TMOD3: variants seen among roughly 807,000 people sequenced by gnomAD.
TMOD3 encodes the protein tropomodulin-3.
A neutral mutation model predicts 39.2 loss-of-function variants in TMOD3; 20 were observed. The observed-to-expected ratio is 0.51, with a 90% CI of 0.36 to 0.74. The LOEUF (loss-of-function observed/expected upper bound fraction) is 0.74, where lower values mean the gene tolerates loss of function less well. Ranked by LOEUF, TMOD3 falls within the 30% of genes least tolerant of loss-of-function variation. TMOD3 has a pLI of 0.00. For synonymous variants in TMOD3, 143 were observed against 145.8 expected (o/e 0.98, Z 0.14); for missense variants, 381 against 412.8 (o/e 0.92, Z 0.67).
chr15:51,874,522 T>G (rs1372150139), intron 3 of TMOD3, among the ~76,000 whole-genome samples: 2 of 152,224 alleles, frequency 1.3e-5, no homozygotes, highest in African/African-American at 4.8e-5. Flanking sequence ...TGTTCTCGTT[T>G]GGAGAATGGT....
chr15:51,855,889 C>G (rs897270680), intron 1 of TMOD3, among the ~76,000 whole-genome samples: 13 of 152,242 alleles, frequency 8.5e-5, no homozygotes, highest in African/African-American at 2.6e-4. Context: ...ACAAATGTTC[C>G]TCAATAAAGG....
chr15:51,886,295 C>G (rs2056562879), intron 3 of TMOD3, among the ~76,000 whole-genome samples: 1 of 152,210 alleles, frequency 6.6e-6, no homozygotes, highest in African/African-American at 2.4e-5. Flanking sequence ...AATCTGGGCA[C>G]TTTGGGAGGC....
At chr15:51,898,096 C>G (rs895007617) in intron 7 of TMOD3, among the ~76,000 whole-genome samples, 5 of 152,236 alleles carry the variant, frequency 3.3e-5, no homozygotes, top group African/African-American at 4.8e-5. Flanking sequence ...AGCTTCCCAT[C>G]TCATTAAGAG....
intron 9 of TMOD3, among the ~76,000 whole-genome samples, chr15:51,905,613 C>A (rs2056674471): frequency 6.6e-6 from 1 of 152,024 alleles, no homozygotes; most frequent in African/African-American, 2.4e-5. Flanking sequence ...CATTAGAGGC[C>A]ACCGAATACA....
intron 1 of TMOD3, among the ~76,000 whole-genome samples, chr15:51,861,450 A>G (rs1044250700): frequency 6.6e-5 from 10 of 152,136 alleles, no homozygotes; most frequent in Non-Finnish European, 2.9e-5. Context: ...GAACATTTCC[A>G]TTCATGGGAG....
intron 3 of TMOD3, among the ~76,000 whole-genome samples, chr15:51,879,605 G>T (rs1222879873): frequency 1.3e-5 from 2 of 151,698 alleles, no homozygotes; most frequent in Admixed American, 6.6e-5. Flanking sequence ...TCAAGCAGAA[G>T]AAAAAATTAG....
chr15:51,887,102 C>A (rs1322580383), intron 3 of TMOD3, among the ~76,000 whole-genome samples: 1 of 151,700 alleles, frequency 6.6e-6, no homozygotes, highest in African/African-American at 2.4e-5. Context: ...GCCTGTAGTC[C>A]CAGCTACTCA....
rs565205777 is a variant in TMOD3, at chr15:51,915,342, A to C, written c.*6532A>C. ...TGTTTTTTCAAATGTATATACACGT[A>C]TAACATAAAAATTTTTGTAATTTCA... On this transcript the variant is annotated 3_prime_UTR_variant, in exon 10 of 10. Coordinates refer to ENST00000308580, the MANE Select transcript of TMOD3 (RefSeq NM_014547.5). The C allele has an allele frequency of 5.3e-5, 8 of 152,312 alleles. No individual in the cohort carries two copies. Among genetic ancestry groups the C allele is most frequent in the African/African-American group, 1.9e-4 (8 of 41,570 alleles). 9.4% of individuals were successfully genotyped at this position (152,312 alleles called of 1,614,324 possible).
intron 3 of TMOD3, among the ~76,000 whole-genome samples, chr15:51,886,854 G>C (rs1343340462): frequency 6.6e-6 from 1 of 152,196 alleles, no homozygotes; most frequent in Admixed American, 6.5e-5. Context: ...TTTGCAATCA[G>C]AATTTGAATT....
intron 7 of TMOD3, among the ~76,000 whole-genome samples, chr15:51,896,792 T>C (rs2056623101): frequency 6.6e-6 from 1 of 152,186 alleles, no homozygotes; most frequent in African/African-American, 2.4e-5. Context: ...TGCAACTTGA[T>C]TTTTCACTCT....
intron 7 of TMOD3, 84 bp downstream of exon 7, chr15:51,896,610 C>CT (rs759045442): frequency 4.1e-5 from 40 of 970,618 alleles, no homozygotes; most frequent in Admixed American, 6.2e-5. Context: ...AGATTTACCC[C>CT]TTTTTTATAG....
At position 51,869,390 on chromosome 15, in the gene TMOD3, TA is replaced by T; in HGVS notation, c.283+20del. The T allele has an allele frequency of 1.2e-6, 2 of 1,608,428 alleles. No individual in the cohort carries two copies. The highest frequency in any genetic ancestry group is 8.5e-7 in the Non-Finnish European group (1 of 1,178,620). ...AAAAAAAAGGTAAGCCCCAGAATTT[TA>T]AAGTCATTATGTGGTAACACTTGAT... On this transcript the variant is annotated intron_variant, in intron 3 of 9. Coordinates refer to ENST00000308580, the MANE Select transcript of TMOD3 (RefSeq NM_014547.5).
At chr15:51,867,079 A>G (rs2056450801) in intron 2 of TMOD3, among the ~76,000 whole-genome samples, 1 of 152,158 alleles carries the variant, frequency 6.6e-6, no homozygotes, top group African/African-American at 2.4e-5. Flanking sequence ...GGCAAGTACA[A>G]GAGAGAAAAA....
chr15:51,860,310 T>A (rs2056410781), intron 1 of TMOD3: 1 of 534,918 alleles, frequency 1.9e-6, no homozygotes, highest in East Asian at 5.1e-5. Flanking sequence ...AGAATTTTCA[T>A]AGATGATCCG....
chr15:51,889,322 G>C (rs2056580846), intron 5 of TMOD3, among the ~76,000 whole-genome samples, 177 bp downstream of exon 5: 1 of 151,550 alleles, frequency 6.6e-6, no homozygotes, highest in Admixed American at 6.6e-5. Flanking sequence ...TAAATATTTT[G>C]TGTTTAATGG....
chr15:51,844,777 G>A (rs2056327868), intron 1 of TMOD3, among the ~76,000 whole-genome samples: 1 of 152,132 alleles, frequency 6.6e-6, no homozygotes. Context: ...CTTTATTATG[G>A]AAATCAATGT....
chr15:51,848,418 T>C (rs927547442), intron 1 of TMOD3, among the ~76,000 whole-genome samples: 1 of 152,228 alleles, frequency 6.6e-6, no homozygotes, highest in Non-Finnish European at 1.5e-5. Flanking sequence ...TCAAAGAGAA[T>C]GTTCTTCAAA....
rs144577332 is a variant in TMOD3 at position 51,911,024 on chromosome 15, G to A, written c.*2214G>A. On this transcript the variant is annotated 3_prime_UTR_variant, in exon 10 of 10. Coordinates refer to ENST00000308580, the MANE Select transcript of TMOD3 (RefSeq NM_014547.5). ...TCCCCGCATATGCAGCTTTTTGATTGTACTTGATTTTATAGAGACTGCACA... is the reference window on the plus strand; with the variant it reads ...TCCCCGCATATGCAGCTTTTTGATTATACTTGATTTTATAGAGACTGCACA... The A allele has an allele frequency of 7.8e-4, 117 of 149,930 alleles. 1 individual carries two copies. Among genetic ancestry groups the A allele is most frequent in the African/African-American group, 2.8e-3 (114 of 40,714 alleles). 9.3% of individuals were successfully genotyped at this position (149,930 alleles called of 1,614,324 possible).
In TMOD3 at chr15:51,906,034, C is replaced by T. The variant is rs550985066; in HGVS notation, c.1025-2742C>T. 5.1e-4 allele frequency among the ~76,000 whole-genome samples: 77 copies of T among 150,804 alleles called. 1 individual carries two copies. Among genetic ancestry groups the T allele is most frequent in the African/African-American group, 1.9e-3 (76 of 40,990 alleles). On this transcript the variant is annotated intron_variant, in intron 9 of 9. Transcript: ENST00000308580. ...AATAGGGCAAAATTTATAAGCCTGC[C>T]ATCTAGAGGATGAGCTGAGGAATTG...
Sources: allele counts gnomAD v4.1 joint callset (sites outside exome capture counted in the v4.1 genomes callset), GRCh38; gene constraint gnomAD v4.1.1; transcripts MANE v1.5; gene names NCBI Gene and HGNC (gene_info 2026-07-23, HGNC 2026-07-21).